ATP8B1: variants seen among roughly 807,000 people sequenced by gnomAD.
ATP8B1 encodes the protein phospholipid-transporting ATPase IC.
ATP8B1 carries 80 observed loss-of-function variants against 149.9 expected under a neutral mutation model. The observed-to-expected ratio is 0.53, with a 90% CI of 0.45 to 0.64. ATP8B1 has a LOEUF of 0.64. Ranked by LOEUF, ATP8B1 falls within the 30% of genes least tolerant of loss-of-function variation. The pLI, the probability that ATP8B1 is intolerant of heterozygous loss-of-function variation, is 0.00. For missense variants in ATP8B1, 1,247 were observed against 1,552.6 expected (o/e 0.80, Z 3.31); for synonymous variants, 536 against 562.8 (o/e 0.95, Z 0.67).
At chr18:57,743,822 G>T (rs1350370050) in intron 1 of ATP8B1, among the ~76,000 whole-genome samples, 1 of 152,124 alleles carries the variant, frequency 6.6e-6, no homozygotes, top group African/African-American at 2.4e-5. Flanking sequence ...AATCTGATCT[G>T]CACAGCACTC....
intron 2 of ATP8B1, among the ~76,000 whole-genome samples, chr18:57,712,201 C>T (rs1234108356): frequency 6.6e-6 from 1 of 152,078 alleles, no homozygotes; most frequent in African/African-American, 2.4e-5. Flanking sequence ...CAGGCACTCA[C>T]AGTACCTGGT....
Position 57,731,125 on chromosome 18 carries a change from C to G in ATP8B1, c.181+502G>C, listed in dbSNP as rs147091329. On this transcript the variant is annotated intron_variant, in intron 2 of 27. Transcript: ENST00000648908. ...CCTGGGCAACATAGTGAAATACCAT[C>G]TACACACACAAACACACACACAAAT... 2.6e-3 allele frequency among the ~76,000 whole-genome samples: 392 copies of G among 151,964 alleles called. 1 individual carries two copies. The highest frequency in any genetic ancestry group is 9.1e-3 in the South Asian group (44 of 4,818).
intron 26 of ATP8B1, 122 bp from the exon 27 acceptor site, chr18:57,650,619 G>A (rs1909548422): frequency 5.8e-6 from 7 of 1,212,436 alleles, no homozygotes; most frequent in Non-Finnish European, 7.0e-6. Flanking sequence ...AAGGTGGGTG[G>A]ATTGCCAGAG....
Position 57,668,548 on chromosome 18 carries a change from G to C in ATP8B1, c.2098-8C>G, listed in dbSNP as rs760234607. 5.4e-6 allele frequency: 2 copies of C among 368,254 alleles called. No homozygotes were observed. The highest frequency in any genetic ancestry group is 6.2e-5 in the Admixed American group (1 of 16,212). 22.8% of individuals were successfully genotyped at this position (368,254 alleles called of 1,614,324 possible). A position where few individuals can be genotyped will look rare whatever the true frequency, so the allele number is the denominator to read the frequency against. ...AGCTGTAGCTCCCAGGAGCTAGAAT[G>C]TATATTAAAAAAAAAAAAAAAAGGA... is the stretch of plus-strand genomic sequence containing the variant. On this transcript the variant is annotated splice_region_variant and splice_polypyrimidine_tract_variant and intron_variant, in intron 18 of 27. Transcript: ENST00000648908.
At chr18:57,729,863 T>TG (rs2079743826) in intron 2 of ATP8B1, among the ~76,000 whole-genome samples, 2 of 152,120 alleles carry the variant, frequency 1.3e-5, no homozygotes. Context: ...GAATTTCACT[T>TG]TAATTTTGGT....
At chr18:57,677,503 T>G (rs1911669328) in intron 15 of ATP8B1, among the ~76,000 whole-genome samples, 1 of 152,142 alleles carries the variant, frequency 6.6e-6, no homozygotes, top group African/African-American at 2.4e-5. Flanking sequence ...CAGCCTCACT[T>G]GGAATGGTTG....
At chr18:57,673,511 T>C (rs1280872158) in intron 16 of ATP8B1, among the ~76,000 whole-genome samples, 2 of 151,604 alleles carry the variant, frequency 1.3e-5, no homozygotes, top group Non-Finnish European at 2.9e-5. Context: ...TTATTCTCTT[T>C]TTTATATTTT....
intron 22 of ATP8B1, among the ~76,000 whole-genome samples, chr18:57,658,729 A>C (rs976798580): frequency 6.6e-6 from 1 of 151,604 alleles, no homozygotes; most frequent in Non-Finnish European, 1.5e-5. Context: ...GCAGTGGCAC[A>C]AACATGGCTC....
intron 27 of ATP8B1, among the ~76,000 whole-genome samples, chr18:57,649,889 A>G (rs17685876): frequency 0.18 from 28,144 of 152,180 alleles, 2,832 homozygotes; most frequent in Non-Finnish European, 0.24. Flanking sequence ...GGCAAGAACC[A>G]GCCCAATCCT....
chr18:57,748,194 A>G (rs1051936705), intron 1 of ATP8B1, among the ~76,000 whole-genome samples: 2 of 152,204 alleles, frequency 1.3e-5, no homozygotes, highest in Non-Finnish European at 2.9e-5. Context: ...TGTTCTATGC[A>G]TCAGGCTCTC....
intron 14 of ATP8B1, among the ~76,000 whole-genome samples, chr18:57,684,508 C>T (rs2122822247): frequency 6.6e-6 from 1 of 152,220 alleles, no homozygotes; most frequent in South Asian, 2.1e-4. Context: ...GGCCTACGGG[C>T]ATGCACCACC....
chr18:57,650,097 G>A (rs1194888588), intron 27 of ATP8B1, among the ~76,000 whole-genome samples: 3 of 152,180 alleles, frequency 2.0e-5, no homozygotes, highest in Non-Finnish European at 4.4e-5. Flanking sequence ...TGTTAATACT[G>A]TAATTGTTAA....
intron 1 of ATP8B1, among the ~76,000 whole-genome samples, chr18:57,783,222 G>A (rs750875417): frequency 3.3e-5 from 5 of 152,166 alleles, no homozygotes. Flanking sequence ...TCTACAGAGA[G>A]ACTATAAAGT....
At chr18:57,763,749 T>C (rs2080179331) in intron 1 of ATP8B1, among the ~76,000 whole-genome samples, 1 of 152,172 alleles carries the variant, frequency 6.6e-6, no homozygotes, top group Non-Finnish European at 1.5e-5. Flanking sequence ...TATTTTTGCA[T>C]AACATAAACA....
chr18:57,731,382 C>CAT lies in ATP8B1; in HGVS notation c.181+244_181+245insAT. On this transcript the variant is annotated intron_variant, in intron 2 of 27. Coordinates refer to ENST00000648908, the MANE Select transcript of ATP8B1 (RefSeq NM_001374385.1). ...ATATATATATATATATATACACACACTAACAAAGACCTTAATGTATTTTCT... is the reference window on the plus strand; with the variant it reads ...ATATATATATATATATATACACACACATTAACAAAGACCTTAATGTATTTTCT... The CAT allele has an allele frequency of 6.6e-6, 2 of 300,878 alleles. 1 individual carries two copies. Among genetic ancestry groups the CAT allele is most frequent in the African/African-American group, 5.7e-5 (2 of 35,058 alleles). 18.6% of individuals were successfully genotyped at this position (300,878 alleles called of 1,614,324 possible). A position where few individuals can be genotyped will look rare whatever the true frequency, so the allele number is the denominator to read the frequency against.
chr18:57,706,744 T>C (rs1327069084), intron 2 of ATP8B1, among the ~76,000 whole-genome samples, 157 bp from the exon 3 acceptor site: 2 of 152,140 alleles, frequency 1.3e-5, no homozygotes, highest in Admixed American at 1.3e-4. Flanking sequence ...GTAATCAAAT[T>C]AAAGTGAAGT....
At chr18:57,699,406 T>TC (rs1413849689) in intron 6 of ATP8B1, among the ~76,000 whole-genome samples, 1 of 152,124 alleles carries the variant, frequency 6.6e-6, no homozygotes, top group Non-Finnish European at 1.5e-5. Flanking sequence ...AGAATAAGTG[T>TC]CCCAATGAGC....
intron 1 of ATP8B1, among the ~76,000 whole-genome samples, chr18:57,782,799 G>GTTTTT (rs1329247142): frequency 1.3e-5 from 1 of 78,790 alleles, no homozygotes; most frequent in Non-Finnish European, 2.2e-5. Flanking sequence ...ATTCTAGTTT[G>GTTTTT]TCTCTTTTTT....
intron 22 of ATP8B1, among the ~76,000 whole-genome samples, chr18:57,657,447 C>T (rs1403639286): frequency 6.6e-6 from 1 of 152,084 alleles, no homozygotes; most frequent in Non-Finnish European, 1.5e-5. Context: ...ATTGCTCAGA[C>T]CCTGAAAAGT....
Sources: allele counts gnomAD v4.1 joint callset (sites outside exome capture counted in the v4.1 genomes callset), GRCh38; gene constraint gnomAD v4.1.1; transcripts MANE v1.5; gene names NCBI Gene and HGNC (gene_info 2026-07-23, HGNC 2026-07-21).